The following CDH6 variants were observed in gnomAD, a reference collection of about 807,000 sequenced individuals.
The protein encoded by CDH6 is cadherin-6.
CDH6 carries 31 observed loss-of-function variants against 78.0 expected under a neutral mutation model. That is an observed-to-expected ratio of 0.40 (90% CI 0.30 to 0.54). The LOEUF (loss-of-function observed/expected upper bound fraction) is 0.54. CDH6 is among the 20% of genes least tolerant of loss of function. The probability of loss-of-function intolerance (pLI) is 0.56; values close to 1 mark genes in which losing one functional copy is unlikely to be tolerated. For missense variants in CDH6, 724 were observed against 975.9 expected (o/e 0.74, Z 3.44); for synonymous variants, 376 against 368.8 (o/e 1.02, Z -0.23).
chr5:31,194,257 A>G (rs1047043057), intron 1 of CDH6, among the ~76,000 whole-genome samples: 5 of 152,186 alleles, frequency 3.3e-5, no homozygotes, highest in African/African-American at 1.2e-4. Flanking sequence ...TGGCATTTGC[A>G]AAGTTGGCTG....
rs529235024 is a variant in CDH6, at chr5:31,294,595, G to A, written c.523+339G>A. ...TCTCCACTTCTCTTAGCCTATGTGG[G>A]TGTTAGGGTCCAAGTAACAATCTCC... On this transcript the variant is annotated intron_variant, in intron 3 of 11. Coordinates refer to ENST00000265071, the MANE Select transcript of CDH6 (RefSeq NM_004932.4). The surrounding 1 kb of genome is among the most constrained non-coding windows in gnomAD (Gnocchi z 4.1). Among the ~76,000 whole-genome samples the A allele has an allele frequency of 1.5e-4, 23 of 152,206 alleles. No individual in the cohort carries two copies. Among genetic ancestry groups the A allele is most frequent in the African/African-American group, 5.1e-4 (21 of 41,542 alleles).
chr5:31,219,449 T>A (rs1186079789), intron 1 of CDH6, among the ~76,000 whole-genome samples: 1 of 152,096 alleles, frequency 6.6e-6, no homozygotes, highest in Non-Finnish European at 1.5e-5. Flanking sequence ...ACACTTTTGC[T>A]CTTGCCATTC....
intron 1 of CDH6, among the ~76,000 whole-genome samples, chr5:31,254,573 G>C (rs1223664441): frequency 1.3e-5 from 2 of 152,254 alleles, no homozygotes; most frequent in East Asian, 3.9e-4. Flanking sequence ...ACAGCAATTG[G>C]GTTCGATACT....
chr5:31,199,685 G>GTGTGTATATATATATATA lies in CDH6; in HGVS notation c.-129+5800_-129+5801insGTGTATATATATATATAT, dbSNP rs796740950. ...TGTGTGTGTATGTGTGTGTGTGTGT[G>GTGTGTATATATATATATA]TATATATATATATATATATATATAT... On this transcript the variant is annotated intron_variant, in intron 1 of 11. Transcript: ENST00000265071. Among the ~76,000 whole-genome samples the GTGTGTATATATATATATA allele has an allele frequency of 8.9e-4, 71 of 79,832 alleles. 1 individual carries two copies. The highest frequency in any genetic ancestry group is 3.0e-3 in the African/African-American group (64 of 21,108). 52.4% of individuals were successfully genotyped at this position (79,832 alleles called of 152,430 possible).
At chr5:31,285,807 TC>T (rs1449500311) in intron 2 of CDH6, among the ~76,000 whole-genome samples, 1 of 152,216 alleles carries the variant, frequency 6.6e-6, no homozygotes, top group Non-Finnish European at 1.5e-5. Flanking sequence ...TCCATTTTTG[TC>T]AACAAATCCA....
chr5:31,276,875 AC>A (rs1742713610), intron 2 of CDH6, among the ~76,000 whole-genome samples: 1 of 152,250 alleles, frequency 6.6e-6, no homozygotes, highest in African/African-American at 2.4e-5. Context: ...AAGGCTTAGA[AC>A]GGGGCCCAAG....
intron 5 of CDH6, among the ~76,000 whole-genome samples, chr5:31,300,529 A>C (rs991129562): frequency 2.0e-5 from 3 of 152,194 alleles, no homozygotes; most frequent in African/African-American, 7.2e-5. Context: ...TAATTAAAGA[A>C]TATCTCATAT....
At chr5:31,284,904 T>A (rs1301053945) in intron 2 of CDH6, among the ~76,000 whole-genome samples, 1 of 152,192 alleles carries the variant, frequency 6.6e-6, no homozygotes, top group African/African-American at 2.4e-5. Context: ...GCAGATGTCA[T>A]CTCGGACTGG....
intron 2 of CDH6, among the ~76,000 whole-genome samples, chr5:31,288,507 T>C (rs762254024): frequency 2.0e-5 from 3 of 152,182 alleles, no homozygotes; most frequent in Non-Finnish European, 2.9e-5. Context: ...CACAACACTG[T>C]CTATTTATTA....
intron 1 of CDH6, among the ~76,000 whole-genome samples, chr5:31,235,816 T>C (rs947197089): frequency 1.3e-5 from 2 of 152,186 alleles, no homozygotes; most frequent in Admixed American, 6.5e-5. Flanking sequence ...TTCTAGAATA[T>C]TGTTTTAATT....
intron 1 of CDH6, among the ~76,000 whole-genome samples, chr5:31,208,303 C>T (rs1039798544): frequency 5.9e-5 from 9 of 152,142 alleles, no homozygotes; most frequent in Non-Finnish European, 7.3e-5. Flanking sequence ...AGATTTGTGG[C>T]GTGGCAGTGC....
At chr5:31,274,241 A>C (rs1340636931) in intron 2 of CDH6, among the ~76,000 whole-genome samples, 1 of 152,242 alleles carries the variant, frequency 6.6e-6, no homozygotes, top group Non-Finnish European at 1.5e-5. Context: ...CACTTTCTTA[A>C]TGACAAAAGT....
intron 1 of CDH6, among the ~76,000 whole-genome samples, chr5:31,194,623 A>G (rs1161202886): frequency 1.3e-5 from 2 of 152,112 alleles, no homozygotes; most frequent in African/African-American, 4.8e-5. Flanking sequence ...GAAAAGTCAT[A>G]TGGAAGGCGC....
At chr5:31,312,333 G>A (rs979406084) in intron 7 of CDH6, among the ~76,000 whole-genome samples, 8 of 152,166 alleles carry the variant, frequency 5.3e-5, no homozygotes, top group South Asian at 2.1e-4. Context: ...TGGCAGCACC[G>A]TTCAACCATT....
At chr5:31,316,145 T>G in intron 8 of CDH6, 63 bp from the exon 9 acceptor site, 1 of 1,544,040 alleles carries the variant, frequency 6.5e-7, no homozygotes, top group Middle Eastern at 1.7e-4. Context: ...GAGCGGATGT[T>G]GTCTAAAGGG....
At chr5:31,226,991 G>A (rs1741169997) in intron 1 of CDH6, among the ~76,000 whole-genome samples, 1 of 152,090 alleles carries the variant, frequency 6.6e-6, no homozygotes, top group East Asian at 1.9e-4. Flanking sequence ...ACCATATAAG[G>A]GCAAAGCCTG....
At chr5:31,227,797 C>G (rs1741200646) in intron 1 of CDH6, among the ~76,000 whole-genome samples, 1 of 152,178 alleles carries the variant, frequency 6.6e-6, no homozygotes. Context: ...CCTGAGGGAA[C>G]GGACCCCTAC....
rs1738670773 is a variant in CDH6, at chr5:31,328,774, A to G, written c.*5466A>G. The G allele has an allele frequency of 4.6e-6, 1 of 217,750 alleles. No individual in the cohort carries two copies. Among genetic ancestry groups the G allele is most frequent in the Non-Finnish European group, 9.2e-6 (1 of 108,424 alleles). 13.5% of individuals were successfully genotyped at this position (217,750 alleles called of 1,614,324 possible). On this transcript the variant is annotated 3_prime_UTR_variant, in exon 12 of 12. Coordinates refer to ENST00000265071, the MANE Select transcript of CDH6 (RefSeq NM_004932.4). ...AATGCTCACTCTTGTCGTTTTCCTC[A>G]GTATCGTTCATGTCTTTGGCAACAA...
intron 3 of CDH6, 83 bp from the exon 4 acceptor site, chr5:31,297,206 T>A (rs1275966349): frequency 1.6e-5 from 19 of 1,204,678 alleles, no homozygotes; most frequent in Non-Finnish European, 2.3e-5. Context: ...CCATACAAAA[T>A]TAAGATCGTG....
Sources: allele counts gnomAD v4.1 joint callset (sites outside exome capture counted in the v4.1 genomes callset), GRCh38; gene constraint gnomAD v4.1.1; non-coding constraint Gnocchi (gnomAD v3.1); transcripts MANE v1.5; gene names NCBI Gene and HGNC (gene_info 2026-07-23, HGNC 2026-07-21).